The following B3GALT1 variants were observed in gnomAD, a reference collection of about 807,000 sequenced individuals.
The protein encoded by B3GALT1 is beta-1,3-galactosyltransferase 1, also known as UDP-Gal:betaGlcNAc beta 1,3-galactosyltransferase, polypeptide 1.
In B3GALT1, 10 loss-of-function variants were observed where a neutral mutation model predicts 23.2. The ratio of observed to expected loss-of-function variants is 0.43; its 90% CI spans 0.27 to 0.73. The LOEUF is 0.73. B3GALT1 is among the 30% of genes least tolerant of loss of function. B3GALT1 has a pLI of 0.21. For synonymous variants in B3GALT1, 156 were observed against 141.5 expected (o/e 1.10, Z -0.73); for missense variants, 299 against 405.4 (o/e 0.74, Z 2.25).
intron 3 of B3GALT1, among the ~76,000 whole-genome samples, chr2:167,756,104 A>G (rs566276615): frequency 6.6e-6 from 1 of 152,330 alleles, no homozygotes; most frequent in South Asian, 2.1e-4. Flanking sequence ...GATTCTTTTG[A>G]GGAAAGGGAC....
At chr2:167,387,370 A>G (rs906567842) in intron 1 of B3GALT1, among the ~76,000 whole-genome samples, 6 of 152,200 alleles carry the variant, frequency 3.9e-5, no homozygotes, top group Non-Finnish European at 7.3e-5. Context: ...TGAAGCTTCA[A>G]AATTGTAAAA....
chr2:167,716,060 C>T (rs1687139942), intron 3 of B3GALT1: 1 of 1,584,598 alleles, frequency 6.3e-7, no homozygotes, highest in Middle Eastern at 2.2e-4. Context: ...CGCCGGGCTC[C>T]TCCATAGCGC....
chr2:167,376,522 T>C (rs1459942412), intron 1 of B3GALT1, among the ~76,000 whole-genome samples: 3 of 152,166 alleles, frequency 2.0e-5, no homozygotes, highest in Non-Finnish European at 4.4e-5. Context: ...TTTCAAAAGT[T>C]GATATTGGCC....
intron 1 of B3GALT1, among the ~76,000 whole-genome samples, chr2:167,457,607 T>G (rs2105323661): frequency 6.6e-6 from 1 of 152,122 alleles, no homozygotes; most frequent in African/African-American, 2.4e-5. Flanking sequence ...CCATCACCAA[T>G]TTTGTCTTTA....
intron 1 of B3GALT1, among the ~76,000 whole-genome samples, chr2:167,452,905 A>G (rs147704722): frequency 3.7e-4 from 57 of 152,308 alleles, no homozygotes; most frequent in African/African-American, 1.3e-3. Context: ...CTTAAGTCCA[A>G]TCCCAGGGAA....
chr2:167,499,809 C>T (rs972731147), intron 2 of B3GALT1, among the ~76,000 whole-genome samples: 2 of 152,042 alleles, frequency 1.3e-5, no homozygotes, highest in Non-Finnish European at 2.9e-5. Flanking sequence ...CTTCCTTTCC[C>T]CAGTAAAGAG....
intron 1 of B3GALT1, among the ~76,000 whole-genome samples, chr2:167,420,396 TGAAC>T (rs1698528314): frequency 1.3e-5 from 2 of 152,200 alleles, no homozygotes; most frequent in Non-Finnish European, 2.9e-5. Flanking sequence ...ATTTATTAGA[TGAAC>T]TAAAAATAAC....
intron 3 of B3GALT1, among the ~76,000 whole-genome samples, chr2:167,663,328 T>C (rs890996157): frequency 5.3e-5 from 8 of 152,066 alleles, no homozygotes; most frequent in African/African-American, 1.9e-4. Context: ...CCATGGTGTA[T>C]ATGTGCCACA....
chr2:167,414,287 C>T (rs1391897589), intron 1 of B3GALT1, among the ~76,000 whole-genome samples: 1 of 152,104 alleles, frequency 6.6e-6, no homozygotes, highest in Non-Finnish European at 1.5e-5. Flanking sequence ...AACTTTGAAT[C>T]AGGAAAACTT....
chr2:167,367,796 A>G (rs1204865131), intron 1 of B3GALT1, among the ~76,000 whole-genome samples: 1 of 152,186 alleles, frequency 6.6e-6, no homozygotes, highest in Admixed American at 6.5e-5. Context: ...AGGATCCTTC[A>G]TGGGATATTT....
At chr2:167,367,245 A>G (rs993346866) in intron 1 of B3GALT1, among the ~76,000 whole-genome samples, 3 of 152,252 alleles carry the variant, frequency 2.0e-5, no homozygotes, top group Admixed American at 1.3e-4. Context: ...AAAAAAATCA[A>G]AAGAATAAAC....
chr2:167,478,368 ACTC>A (rs1020994300), intron 1 of B3GALT1, among the ~76,000 whole-genome samples: 31 of 152,112 alleles, frequency 2.0e-4, no homozygotes, highest in African/African-American at 7.0e-4. Flanking sequence ...AAAAGAAAGA[ACTC>A]CTTGTTTGCT....
intron 2 of B3GALT1, among the ~76,000 whole-genome samples, chr2:167,592,394 A>G (rs1684701896): frequency 6.6e-6 from 1 of 152,116 alleles, no homozygotes; most frequent in Non-Finnish European, 1.5e-5. Flanking sequence ...GCTCCTAGGC[A>G]TAGGAGGGAG....
At chr2:167,447,069 T>G (rs943046463) in intron 1 of B3GALT1, among the ~76,000 whole-genome samples, 1 of 150,532 alleles carries the variant, frequency 6.6e-6, no homozygotes, top group African/African-American at 2.5e-5. Context: ...TTTGTTAGTT[T>G]TCCTTCTAAC....
At chr2:167,749,768 A>T (rs1213468942) in intron 3 of B3GALT1, among the ~76,000 whole-genome samples, 2 of 152,200 alleles carry the variant, frequency 1.3e-5, no homozygotes, top group Non-Finnish European at 2.9e-5. Context: ...CTAGTTTTAT[A>T]GCAAAAAGAA....
intron 1 of B3GALT1, among the ~76,000 whole-genome samples, chr2:167,420,607 TC>T (rs1293385346): frequency 6.6e-6 from 1 of 152,178 alleles, no homozygotes; most frequent in East Asian, 1.9e-4. Context: ...CCTTTGAATA[TC>T]TAGGGTGTTT....
chr2:167,498,414 C>G (rs1002170969), intron 2 of B3GALT1, among the ~76,000 whole-genome samples: 3 of 152,002 alleles, frequency 2.0e-5, no homozygotes, highest in African/African-American at 7.3e-5. Flanking sequence ...ACTCAGTATA[C>G]TTCTAATAGA....
At chr2:167,306,959 AG>A (rs1314605702) in intron 1 of B3GALT1, among the ~76,000 whole-genome samples, 2 of 152,058 alleles carry the variant, frequency 1.3e-5, no homozygotes, top group Non-Finnish European at 2.9e-5. Flanking sequence ...ATAATTACTT[AG>A]AAAAAAGGCA....
chr2:167,459,620 A>G (rs948566260), intron 1 of B3GALT1, among the ~76,000 whole-genome samples: 2 of 152,188 alleles, frequency 1.3e-5, no homozygotes, highest in African/African-American at 4.8e-5. Flanking sequence ...TGTGGAGAAC[A>G]AAAAGTAGAT....
Sources: gnomAD v4.1 joint callset for allele counts (sites outside exome capture counted in the v4.1 genomes callset) on GRCh38, gnomAD v4.1.1 for gene constraint, MANE v1.5 for transcripts, NCBI Gene and HGNC (gene_info 2026-07-23, HGNC 2026-07-21) for gene names.